CDH18: variants seen among roughly 807,000 people sequenced by gnomAD.
The protein encoded by CDH18 is cadherin 18, also known as cadherin-18.
A neutral mutation model predicts 67.9 loss-of-function variants in CDH18; 31 were observed. The ratio of observed to expected loss-of-function variants is 0.46; its 90% CI spans 0.34 to 0.62. The LOEUF (loss-of-function observed/expected upper bound fraction) is 0.62, where lower values mean the gene tolerates loss of function less well. Ranked by LOEUF, CDH18 falls within the 20% of genes least tolerant of loss-of-function variation. CDH18 has a pLI of 0.01. For missense variants in CDH18, 890 were observed against 975.5 expected (o/e 0.91, Z 1.17); for synonymous variants, 362 against 347.2 (o/e 1.04, Z -0.48).
intron 2 of CDH18, among the ~76,000 whole-genome samples, chr5:20,156,298 A>G (rs1316805272): frequency 6.6e-6 from 1 of 152,168 alleles, no homozygotes; most frequent in African/African-American, 2.4e-5. Flanking sequence ...TCACAGCGCT[A>G]TTCACAATAG....
intron 1 of CDH18, among the ~76,000 whole-genome samples, chr5:20,504,759 AATTTTTTTTT>A (rs1197707439): frequency 1.1e-4 from 14 of 122,294 alleles, no homozygotes; most frequent in African/African-American, 3.4e-4. Flanking sequence ...CACAAAAGGG[AATTTTTTTTT>A]TTTTTTTTTT....
intron 2 of CDH18, among the ~76,000 whole-genome samples, chr5:20,040,894 A>G (rs186494904): frequency 2.0e-5 from 3 of 152,302 alleles, no homozygotes; most frequent in Admixed American, 6.5e-5. Flanking sequence ...TTACCTTTCT[A>G]TGAATTACTG....
At chr5:19,930,374 A>G (rs1793552288) in intron 2 of CDH18, among the ~76,000 whole-genome samples, 1 of 152,110 alleles carries the variant, frequency 6.6e-6, no homozygotes, top group Non-Finnish European at 1.5e-5. Flanking sequence ...GTTAGAACAT[A>G]GGGCTAAAGA....
At position 20,365,765 on chromosome 5, in the gene CDH18, A is replaced by T. The variant is rs1017761817; in HGVS notation, c.-579-110260T>A. 2.0e-5 allele frequency among the ~76,000 whole-genome samples: 3 copies of T among 152,316 alleles called. No homozygotes were observed. In the South Asian group the frequency reaches 6.2e-4, roughly 32 times the overall value. On this transcript the variant is annotated intron_variant, in intron 1 of 14. Transcript: ENST00000507958. ...TTGTATCCTTTATAGATACCTAGCC[A>T]TAATCCTGGTAATCATCAGGCTTTT...
At chr5:19,562,356 T>A (rs1290349065) in intron 8 of CDH18, among the ~76,000 whole-genome samples, 1 of 152,088 alleles carries the variant, frequency 6.6e-6, no homozygotes, top group Non-Finnish European at 1.5e-5. Context: ...ATCTCTCTCT[T>A]TTTTTTGCTG....
intron 2 of CDH18, among the ~76,000 whole-genome samples, chr5:20,142,488 G>A (rs965153768): frequency 3.3e-5 from 5 of 151,600 alleles, no homozygotes; most frequent in African/African-American, 1.2e-4. Flanking sequence ...GCAGAGGCAC[G>A]AGAATCACTT....
intron 9 of CDH18, among the ~76,000 whole-genome samples, chr5:19,538,029 G>C (rs186941767): frequency 5.9e-5 from 9 of 152,232 alleles, no homozygotes; most frequent in Non-Finnish European, 7.4e-5. Flanking sequence ...GATAGGTTTT[G>C]GTTATTAGGC....
chr5:20,533,912 G>T lies in CDH18; in HGVS notation c.-580+41550C>A, dbSNP rs116591135. On this transcript the variant is annotated intron_variant, in intron 1 of 14. Coordinates refer to the CDH18 transcript ENST00000507958. Reference sequence around the variant, plus strand: ...TTTATATTAATCAAAAGTTCATATCGATATTGTTACTTTAAAATGTCACAG... The same window carrying T: ...TTTATATTAATCAAAAGTTCATATCTATATTGTTACTTTAAAATGTCACAG... Among the ~76,000 whole-genome samples the T allele has an allele frequency of 5.0e-3, 756 of 151,886 alleles. 9 individuals carry two copies. The highest frequency in any genetic ancestry group is 0.017 in the African/African-American group (723 of 41,460).
chr5:20,367,015 C>T (rs1238860548), intron 1 of CDH18, among the ~76,000 whole-genome samples: 1 of 152,090 alleles, frequency 6.6e-6, no homozygotes, highest in African/African-American at 2.4e-5. Flanking sequence ...GCCTCAAGTC[C>T]ACATGGTCCT....
intron 3 of CDH18, among the ~76,000 whole-genome samples, chr5:19,775,526 A>G (rs1774263493): frequency 6.6e-6 from 1 of 151,800 alleles, no homozygotes; most frequent in Non-Finnish European, 1.5e-5. Context: ...TAAAAGCAGG[A>G]GCGAGAGAAA....
chr5:19,705,826 A>G (rs573172849), intron 5 of CDH18, among the ~76,000 whole-genome samples: 1 of 152,284 alleles, frequency 6.6e-6, no homozygotes, highest in Admixed American at 6.5e-5. Context: ...TACTTGGCAA[A>G]CCCATTTAGC....
At chr5:19,753,667 T>C (rs1271419447) in intron 3 of CDH18, among the ~76,000 whole-genome samples, 1 of 151,964 alleles carries the variant, frequency 6.6e-6, no homozygotes, top group African/African-American at 2.4e-5. Flanking sequence ...CTATGTGTTA[T>C]GCCAATGCAT....
At chr5:19,680,259 C>T (rs1760097557) in intron 5 of CDH18, among the ~76,000 whole-genome samples, 2 of 150,564 alleles carry the variant, frequency 1.3e-5, no homozygotes, top group South Asian at 2.1e-4. Context: ...TTCCTTACAC[C>T]ATATAAAAAA....
At chr5:20,040,496 A>G (rs557865675) in intron 2 of CDH18, among the ~76,000 whole-genome samples, 3 of 152,282 alleles carry the variant, frequency 2.0e-5, no homozygotes, top group African/African-American at 7.2e-5. Flanking sequence ...ACGTTTTGAA[A>G]TATGTCATGA....
At chr5:20,258,187 T>C (rs1019433632) in intron 1 of CDH18, among the ~76,000 whole-genome samples, 1 of 152,104 alleles carries the variant, frequency 6.6e-6, no homozygotes, top group Non-Finnish European at 1.5e-5. Flanking sequence ...AATTGCATTT[T>C]TATAGAACCA....
intron 1 of CDH18, among the ~76,000 whole-genome samples, chr5:20,446,890 G>T (rs544853957): frequency 1.3e-5 from 2 of 152,260 alleles, no homozygotes; most frequent in East Asian, 1.9e-4. Context: ...ATTAATATTT[G>T]CCTGGATGTG....
chr5:20,260,824 G>T (rs760050547), intron 1 of CDH18, among the ~76,000 whole-genome samples: 14 of 152,118 alleles, frequency 9.2e-5, no homozygotes, highest in Non-Finnish European at 1.9e-4. Context: ...CTGACATCTG[G>T]CTAATAGCCA....
At chr5:19,624,600 T>C (rs1751230943) in intron 5 of CDH18, among the ~76,000 whole-genome samples, 1 of 152,140 alleles carries the variant, frequency 6.6e-6, no homozygotes, top group African/African-American at 2.4e-5. Context: ...CCCTCCTTCA[T>C]TCTGTCACTG....
At chr5:20,208,516 A>G (rs2126358998) in intron 2 of CDH18, among the ~76,000 whole-genome samples, 1 of 152,216 alleles carries the variant, frequency 6.6e-6, no homozygotes, top group Admixed American at 6.6e-5. Flanking sequence ...CTGGATTACC[A>G]TCTGCAAAAC....
Sources: allele counts gnomAD v4.1 joint callset (sites outside exome capture counted in the v4.1 genomes callset), GRCh38; gene constraint gnomAD v4.1.1; transcripts MANE v1.5; gene names NCBI Gene and HGNC (gene_info 2026-07-23, HGNC 2026-07-21).